The following ZNF276 variants were observed in gnomAD, a reference collection of about 807,000 sequenced individuals.
The protein encoded by ZNF276 is centromere protein Z.
In ZNF276, 59 loss-of-function variants were observed where a neutral mutation model predicts 63.9. The ratio of observed to expected loss-of-function variants is 0.92; its 90% confidence interval spans 0.75 to 1.15. The LOEUF is 1.15. ZNF276 is among the 50% of genes most tolerant of loss of function. ZNF276 has a pLI of 0.00. For missense variants in ZNF276, 1,084 were observed against 843.8 expected (o/e 1.28, Z -3.53); for synonymous variants, 496 against 348.4 (o/e 1.42, Z -4.72).
At chr16:89,721,119 G>A (rs976924872), upstream of ZNF276, 1 of 306,620 alleles carries the variant, frequency 3.3e-6, no homozygotes, top group Non-Finnish European at 5.9e-6. Context: ...CTGGCGAGAA[G>A]GGCCCCTCAC....
Position 89,738,272 on chromosome 16 carries a change from T to C in ZNF276, c.*26T>C, listed in dbSNP as rs2062017167. 1.3e-6 allele frequency: 2 copies of C among 1,571,200 alleles called. No homozygotes were observed. Among genetic ancestry groups the C allele is most frequent in the South Asian group, 1.2e-5 (1 of 86,828 alleles). The stretch of plus-strand genomic sequence containing the variant: ...GGACGGCAGTGAGGATGAGCACCTC[T>C]AGCAGCCTGGACTCCGCAGTGGCTG... On this transcript the variant is annotated 3_prime_UTR_variant, in exon 11 of 11. Transcript: ENST00000443381.
Position 89,722,655 on chromosome 16 carries a change from G to A in ZNF276, c.330G>A (p.Glu110=), listed in dbSNP as rs772156205. The change falls in exon 2 of 11, where the codon GAG becomes GAA. Residue 110 remains glutamate (E), a synonymous_variant. Coordinates refer to ENST00000443381, the MANE Select transcript of ZNF276 (RefSeq NM_001113525.2). ...GASMERPSAE[E]RVLVRDFQRL... ...GCATGGAGAGGCCATCCGCAGAGGAGCGCGTGCTCGTACGGGACTTCCAGC... is the reference window on the plus strand; with the variant it reads ...GCATGGAGAGGCCATCCGCAGAGGAACGCGTGCTCGTACGGGACTTCCAGC... The A allele has an allele frequency of 3.7e-6, 6 of 1,612,136 alleles. No homozygotes were observed. The highest frequency in any genetic ancestry group is 2.7e-5 in the African/African-American group (2 of 74,958).
chr16:89,721,051 CAG>C, upstream of ZNF276: 1 of 477,942 alleles, frequency 2.1e-6, no homozygotes, highest in Admixed American at 4.8e-5. Context: ...GCGGGGGCGG[CAG>C]AGTCCGGGTG....
rs745475523 is a variant in ZNF276, at chr16:89,733,291, C to CT, written c.1170-4dup. 2.7e-5 allele frequency: 44 copies of CT among 1,609,652 alleles called. No homozygotes were observed. In the African/African-American group the frequency reaches 4.6e-4, roughly 17 times the overall value. On this transcript the variant is annotated splice_polypyrimidine_tract_variant and intron_variant, in intron 6 of 10. Coordinates refer to ENST00000443381, the MANE Select transcript of ZNF276 (RefSeq NM_001113525.2). ...CAGAAACCATTGAATTTGGGAACCT[C>CT]TTTTTTTCAGAGTCTCTGGTAAGAA... is the stretch of plus-strand genomic sequence containing the variant.
upstream of ZNF276, chr16:89,720,612 C>A (rs1597948831): frequency 1.6e-5 from 20 of 1,223,962 alleles, no homozygotes; most frequent in East Asian, 6.4e-4. Context: ...CGCCCCGCCC[C>A]CGTCCTCGCC....
Position 89,739,464 on chromosome 16 carries a change from G to C in ZNF276, c.*1218G>C. ...ACACTGCCCAGCCCTGACCAGCCCT[G>C]TGGGTGGAGGTACCTGTAAAAAGCG... is the stretch of plus-strand genomic sequence containing the variant. On this transcript the variant is annotated 3_prime_UTR_variant, in exon 11 of 11. Transcript: ENST00000443381. 1 of 1,551,668 alleles carries C rather than the reference G, an allele frequency of 6.4e-7. No homozygotes were observed. The highest frequency in any genetic ancestry group is 2.0e-4 in the Middle Eastern group (1 of 5,112).
At chr16:89,734,615 G>A (rs1383066162) in intron 9 of ZNF276, among the ~76,000 whole-genome samples, 3 of 151,258 alleles carry the variant, frequency 2.0e-5, no homozygotes, top group Admixed American at 1.3e-4. Context: ...ACTGCACCTG[G>A]CCCAAACAAG....
intron 4 of ZNF276, among the ~76,000 whole-genome samples, chr16:89,725,588 G>A (rs933773777): frequency 6.6e-6 from 1 of 151,690 alleles, no homozygotes; most frequent in Admixed American, 6.6e-5. Context: ...TCAGGAGATC[G>A]AGACCATCCT....
At position 89,738,545 on chromosome 16, in the gene ZNF276, T is replaced by C. The variant is rs916052051; in HGVS notation, c.*299T>C. 4 of 1,610,202 alleles carry C rather than the reference T, an allele frequency of 2.5e-6. No individual in the cohort carries two copies. The African/African-American group carries it at 4.0e-5, about 16-fold the overall frequency. ...TTAGTGCAACAAGAGCTCCATGTTA[T>C]GCTTGTAATAAATTATTTACACGGG... On this transcript the variant is annotated 3_prime_UTR_variant, in exon 11 of 11. Coordinates refer to ENST00000443381, the MANE Select transcript of ZNF276 (RefSeq NM_001113525.2).
In ZNF276 at chr16:89,722,748, C is replaced by T. The variant is rs375513315; in HGVS notation, c.423C>T (p.Ala141=). 10 of 1,611,312 alleles carry T rather than the reference C, an allele frequency of 6.2e-6. No homozygotes were observed. The highest frequency in any genetic ancestry group is 1.3e-5 in the African/African-American group (1 of 74,956). Residue 141 remains alanine (A), a synonymous_variant, in exon 2 of 11, where the codon GCC becomes GCT. Coordinates refer to ENST00000443381, the MANE Select transcript of ZNF276 (RefSeq NM_001113525.2). ...CGTTTGTCTGCAAGAGCTGCCACGC[C>T]CAGTTCTACCAGTGCCACAGCCTTC... is the stretch of plus-strand genomic sequence containing the variant. ...LSPFVCKSCH[A]QFYQCHSLLK...
At chr16:89,732,968 CT>C in intron 6 of ZNF276, 1 of 335,334 alleles carries the variant, frequency 3.0e-6, no homozygotes, top group East Asian at 6.8e-5. Context: ...TGCCCTCCCC[CT>C]CTGCTGTGTT....
At chr16:89,737,755 C>T (rs371468362) in intron 9 of ZNF276, 51 bp from the exon 10 acceptor site, 32 of 1,610,414 alleles carry the variant, frequency 2.0e-5, no homozygotes, top group African/African-American at 9.3e-5. Flanking sequence ...GTCGTCCCCC[C>T]GGGAGGTTGG....
Position 89,733,304 on chromosome 16 carries a change from T to A in ZNF276, c.1172T>A (p.Val391Asp), listed in dbSNP as rs1295973891. The A allele has an allele frequency of 2.5e-6, 4 of 1,612,718 alleles. No individual in the cohort carries two copies. In the Admixed American group the frequency reaches 5.0e-5, roughly 20 times the overall value. The change falls in exon 7 of 11, where the codon GTC (valine) becomes GAC (aspartate). Residue 391 changes from valine (V) to aspartate (D), a missense_variant and splice_region_variant. By Grantham distance (152) the Val-to-Asp change is radical. Transcript: ENST00000443381. The part of the protein sequence containing the change: ...ESFEPYPERK[V>D]SGKKSESKEA... Reference sequence around the variant, plus strand: ...ATTTGGGAACCTCTTTTTTTCAGAGTCTCTGGTAAGAAGAGTGAAAGCAAA... The same window carrying A: ...ATTTGGGAACCTCTTTTTTTCAGAGACTCTGGTAAGAAGAGTGAAAGCAAA...
Position 89,740,863 on chromosome 16 carries a change from A to G in ZNF276, c.*2617A>G. 6.2e-7 allele frequency: 1 copy of G among 1,612,222 alleles called. No homozygotes were observed. The highest frequency in any genetic ancestry group is 8.5e-7 in the Non-Finnish European group (1 of 1,178,814). ...AAGGAGAAGAAGAAAAGGAAAACCA[A>G]TAGCTGTAAATAAAAACGTGCACTT... On this transcript the variant is annotated 3_prime_UTR_variant, in exon 11 of 11. Transcript: ENST00000443381.
rs1220741319 is a variant in ZNF276 at position 89,727,942 on chromosome 16, C to A, written c.1085+585C>A. Among the ~76,000 whole-genome samples, 5 of 152,228 alleles carry A rather than the reference C, an allele frequency of 3.3e-5. No homozygotes were observed. The South Asian group carries it at 1.0e-3, about 31-fold the overall frequency. On this transcript the variant is annotated intron_variant, in intron 5 of 10. Transcript: ENST00000443381. ...TGTCTGCAAACTCCCTGGGCCACCC[C>A]TGCCTCTGAGCCAAGCGCCATTCAG...
At chr16:89,729,202 G>C in intron 5 of ZNF276, 33 bp from the exon 6 acceptor site, 2 of 1,604,090 alleles carry the variant, frequency 1.2e-6, no homozygotes, top group South Asian at 2.2e-5. Context: ...CCCAGGCCCA[G>C]GGCTTTGCTG....
chr16:89,729,675 T>A (rs1352501775), intron 6 of ZNF276, among the ~76,000 whole-genome samples: 1 of 152,142 alleles, frequency 6.6e-6, no homozygotes, highest in Non-Finnish European at 1.5e-5. Context: ...CACCCCAGTG[T>A]ACCCCCGAAG....
At chr16:89,725,101 A>G in intron 4 of ZNF276, among the ~76,000 whole-genome samples, 1 of 149,838 alleles carries the variant, frequency 6.7e-6, no homozygotes, top group South Asian at 2.1e-4. Flanking sequence ...TTTAGTAGAG[A>G]TGGGGTTTCA....
upstream of ZNF276, chr16:89,720,770 C>A (rs1481469458): frequency 2.1e-6 from 3 of 1,451,746 alleles, no homozygotes; most frequent in Non-Finnish European, 1.8e-6. Flanking sequence ...CACCCGGGGC[C>A]GGTTGCCGGT....
Sources: allele counts gnomAD v4.1 joint callset (sites outside exome capture counted in the v4.1 genomes callset), GRCh38; gene constraint gnomAD v4.1.1; transcripts MANE v1.5; gene names NCBI Gene and HGNC (gene_info 2026-07-23, HGNC 2026-07-21).